PVT1: variants seen among roughly 807,000 people sequenced by gnomAD.
The protein encoded by PVT1 is Pvt1 oncogene, also known as CXCR4/PVT1 fusion.
intron 4 of PVT1, among the ~76,000 whole-genome samples, chr8:127,992,044 C>T (rs1055565392): frequency 1.3e-5 from 2 of 148,328 alleles, no homozygotes; most frequent in Non-Finnish European, 3.0e-5. Flanking sequence ...AAGTCTTTTA[C>T]AGCTTTTCAA....
intron 4 of PVT1, among the ~76,000 whole-genome samples, chr8:128,041,901 G>T (rs1563673486): frequency 1.3e-5 from 2 of 152,248 alleles, no homozygotes; most frequent in East Asian, 3.9e-4. Flanking sequence ...CTGATGCTTT[G>T]CAGTTCCTGT....
chr8:127,847,177 A>G (rs1367004142), intron 2 of PVT1, among the ~76,000 whole-genome samples: 1 of 151,582 alleles, frequency 6.6e-6, no homozygotes, highest in African/African-American at 2.4e-5. Context: ...TAATTTTTGT[A>G]CTTTTAGTAG....
chr8:127,973,199 C>T (rs1816783143), intron 3 of PVT1, among the ~76,000 whole-genome samples: 2 of 152,120 alleles, frequency 1.3e-5, no homozygotes, highest in South Asian at 4.2e-4. Context: ...CCTGGCTGTT[C>T]AGCTGCATTT....
intron 2 of PVT1, among the ~76,000 whole-genome samples, chr8:127,887,487 C>A (rs989657045): frequency 1.3e-5 from 2 of 152,214 alleles, no homozygotes; most frequent in African/African-American, 4.8e-5. Flanking sequence ...ATTGCCAGAA[C>A]CTTCTTGAAC....
chr8:127,897,165 G>T (rs1815689746), intron 3 of PVT1, among the ~76,000 whole-genome samples: 1 of 152,230 alleles, frequency 6.6e-6, no homozygotes, highest in African/African-American at 2.4e-5. Flanking sequence ...TTACCCCTGA[G>T]CGAGTTTGGG....
intron 4 of PVT1, among the ~76,000 whole-genome samples, chr8:128,051,706 G>A (rs997053542): frequency 2.0e-5 from 3 of 151,720 alleles, no homozygotes; most frequent in Non-Finnish European, 4.4e-5. Flanking sequence ...TCTTCTGGTC[G>A]ATCAAGTCTG....
At chr8:127,868,288 A>C (rs375538630) in intron 2 of PVT1, among the ~76,000 whole-genome samples, 1 of 152,198 alleles carries the variant, frequency 6.6e-6, no homozygotes, top group South Asian at 2.1e-4. Flanking sequence ...AATTTAAAAC[A>C]TGAGTTCCAC....
intron 3 of PVT1, among the ~76,000 whole-genome samples, chr8:127,934,564 T>A (rs1563643649): frequency 6.6e-6 from 1 of 152,202 alleles, no homozygotes; most frequent in African/African-American, 2.4e-5. Context: ...CAGAATGGTC[T>A]TAGGTCAGGA....
intron 4 of PVT1, chr8:127,998,410 G>A (rs917333438): frequency 1.3e-5 from 2 of 152,052 alleles, no homozygotes; most frequent in African/African-American, 4.8e-5. Flanking sequence ...CAATAATATG[G>A]TTTTATTTTG....
intron 2 of PVT1, among the ~76,000 whole-genome samples, chr8:127,844,391 T>C (rs763217272): frequency 4.6e-5 from 7 of 152,236 alleles, no homozygotes; most frequent in Non-Finnish European, 7.4e-5. Context: ...TGCTCTTGGG[T>C]GGGTATGTTT....
chr8:128,058,146 G>A (rs1813783662), intron 4 of PVT1, among the ~76,000 whole-genome samples: 1 of 152,136 alleles, frequency 6.6e-6, no homozygotes, highest in South Asian at 2.1e-4. Flanking sequence ...CATCTCTCTC[G>A]ATTCTTCAGT....
chr8:128,019,617 T>C (rs1817411174), intron 4 of PVT1, among the ~76,000 whole-genome samples: 1 of 152,252 alleles, frequency 6.6e-6, no homozygotes, highest in Admixed American at 6.5e-5. Flanking sequence ...AGGCAGGAAA[T>C]GGAAACTTGC....
At chr8:127,918,206 G>A (rs1234970781) in intron 3 of PVT1, among the ~76,000 whole-genome samples, 1 of 152,210 alleles carries the variant, frequency 6.6e-6, no homozygotes, top group Non-Finnish European at 1.5e-5. Context: ...ATGGTGGAAT[G>A]ACCCCTGAAG....
chr8:127,960,787 T>C, intron 3 of PVT1: 1 of 377,450 alleles, frequency 2.6e-6, no homozygotes, highest in Non-Finnish European at 5.4e-6. Flanking sequence ...TCCTGGACAC[T>C]TCAAAACATA....
At chr8:128,008,302 G>A (rs778144936) in intron 4 of PVT1, among the ~76,000 whole-genome samples, 1 of 152,202 alleles carries the variant, frequency 6.6e-6, no homozygotes, top group Non-Finnish European at 1.5e-5. Context: ...TTTAAGAAGG[G>A]AGATGTGAGA....
intron 5 of PVT1, among the ~76,000 whole-genome samples, chr8:128,083,589 C>T (rs1039085316): frequency 1.3e-5 from 2 of 152,262 alleles, no homozygotes; most frequent in African/African-American, 4.8e-5. Flanking sequence ...CTTGCCCATG[C>T]AAATGGGCTT....
At chr8:128,033,045 C>G (rs10505506) in intron 4 of PVT1, among the ~76,000 whole-genome samples, 48,435 of 152,102 alleles carry the variant, frequency 0.32, 8,438 homozygotes, top group South Asian at 0.49. Flanking sequence ...GGGTGAAGAC[C>G]TGTTTGCACT....
chr8:127,934,378 G>A (rs371645817), intron 3 of PVT1, among the ~76,000 whole-genome samples: 3 of 152,326 alleles, frequency 2.0e-5, no homozygotes, highest in African/African-American at 7.2e-5. Flanking sequence ...ACTGGGGTGG[G>A]GACTGCTGAG....
intron 3 of PVT1, among the ~76,000 whole-genome samples, chr8:127,921,167 G>A (rs1816052119): frequency 6.6e-6 from 1 of 152,184 alleles, no homozygotes; most frequent in East Asian, 1.9e-4. Context: ...GCCTGTGAGA[G>A]GCTGCATGAA....
Sources: gnomAD v4.1 joint callset for allele counts (sites outside exome capture counted in the v4.1 genomes callset) on GRCh38, gnomAD v4.1.1 for gene constraint, MANE v1.5 for transcripts, NCBI Gene and HGNC (gene_info 2026-07-23, HGNC 2026-07-21) for gene names.